HCN1: variants seen among roughly 807,000 people sequenced by gnomAD.
The protein encoded by HCN1 is hyperpolarization activated cyclic nucleotide gated potassium channel 1, also known as potassium/sodium hyperpolarization-activated cyclic nucleotide-gated channel 1.
In HCN1, 13 loss-of-function variants were observed where a neutral mutation model predicts 78.9. That is an observed-to-expected ratio of 0.16 (90% CI 0.11 to 0.26). The LOEUF (loss-of-function observed/expected upper bound fraction) is 0.26, where lower values mean the gene tolerates loss of function less well. HCN1 is among the 10% of genes least tolerant of loss of function. The probability of loss-of-function intolerance (pLI) is 1.00; values close to 1 mark genes in which losing one functional copy is unlikely to be tolerated. For synonymous variants in HCN1, 552 were observed against 455.5 expected, an observed-to-expected ratio of 1.21 and a Z score of -2.70; for missense variants, 810 against 1,154.3, an observed-to-expected ratio of 0.70 and a Z score of 4.32.
At chr5:45,372,203 C>A (rs377196919) in intron 4 of HCN1, among the ~76,000 whole-genome samples, 10,208 of 58,084 alleles carry the variant, frequency 0.18, 936 homozygotes, top group East Asian at 0.34. Flanking sequence ...TAATATAATA[C>A]ATATTATATA....
chr5:45,372,065 TTA>T (rs1237220668), intron 4 of HCN1, among the ~76,000 whole-genome samples: 1 of 39,728 alleles, frequency 2.5e-5, no homozygotes, highest in Non-Finnish European at 3.5e-5. Context: ...TATAATTATA[TTA>T]TATATTATAT....
intron 4 of HCN1, among the ~76,000 whole-genome samples, chr5:45,376,337 A>ATT (rs1747674328): frequency 1.3e-5 from 1 of 76,740 alleles, no homozygotes; most frequent in East Asian, 3.0e-4. Flanking sequence ...TATAACATAT[A>ATT]TTATATATAT....
chr5:45,341,300 G>A (rs992923743), intron 5 of HCN1, among the ~76,000 whole-genome samples: 4 of 152,088 alleles, frequency 2.6e-5, no homozygotes, highest in African/African-American at 4.8e-5. Context: ...GATTAATAGC[G>A]GAAACAATAA....
intron 2 of HCN1, among the ~76,000 whole-genome samples, chr5:45,601,629 C>G (rs1386370710): frequency 6.6e-6 from 1 of 152,006 alleles, no homozygotes; most frequent in Non-Finnish European, 1.5e-5. Context: ...TTTTGGCTGC[C>G]CAGAGTCCTT....
At chr5:45,351,793 C>T (rs1334001064) in intron 5 of HCN1, among the ~76,000 whole-genome samples, 3 of 151,310 alleles carry the variant, frequency 2.0e-5, no homozygotes, top group African/African-American at 7.3e-5. Flanking sequence ...TCATCACTGG[C>T]CATCAGAGAA....
Position 45,639,203 on chromosome 5 carries a change from G to A in HCN1, c.849+5982C>T, listed in dbSNP as rs555651631. ...TGAATAACTTCAAAGAAAACAGTCCGGCATTTTAAAAGATAGAACCTTAAA... is the reference window on the plus strand; with the variant it reads ...TGAATAACTTCAAAGAAAACAGTCCAGCATTTTAAAAGATAGAACCTTAAA... On this transcript the variant is annotated intron_variant, in intron 2 of 7. Transcript: ENST00000303230. 6.6e-5 allele frequency among the ~76,000 whole-genome samples: 10 copies of A among 151,874 alleles called. No individual in the cohort carries two copies. In the South Asian group the frequency reaches 8.3e-4, roughly 13 times the overall value.
At chr5:45,676,426 T>C (rs941807742) in intron 1 of HCN1, among the ~76,000 whole-genome samples, 2 of 151,804 alleles carry the variant, frequency 1.3e-5, no homozygotes, top group Non-Finnish European at 2.9e-5. Flanking sequence ...AATTATACTA[T>C]TAAAATATTT....
At chr5:45,285,119 C>T (rs1206590829) in intron 6 of HCN1, among the ~76,000 whole-genome samples, 1 of 151,902 alleles carries the variant, frequency 6.6e-6, no homozygotes, top group African/African-American at 2.4e-5. Flanking sequence ...GAAGTAGCTC[C>T]ATATAATTTT....
intron 2 of HCN1, chr5:45,575,494 GCAGCA>G (rs1405005886): frequency 6.6e-6 from 1 of 151,980 alleles, no homozygotes; most frequent in Admixed American, 6.6e-5. Context: ...GTTAATGGGT[GCAGCA>G]CACCAACATG....
intron 6 of HCN1, among the ~76,000 whole-genome samples, chr5:45,299,706 A>G (rs1233605515): frequency 6.6e-6 from 1 of 152,010 alleles, no homozygotes; most frequent in Non-Finnish European, 1.5e-5. Flanking sequence ...AAGTGGCTTT[A>G]TTTGTGAAGC....
intron 4 of HCN1, among the ~76,000 whole-genome samples, chr5:45,368,950 G>A (rs574768352): frequency 3.3e-5 from 5 of 151,822 alleles, no homozygotes; most frequent in South Asian, 2.1e-4. Flanking sequence ...GTTTCCATCC[G>A]TTCCAAAAGT....
At chr5:45,608,495 C>G (rs1215144827) in intron 2 of HCN1, among the ~76,000 whole-genome samples, 1 of 151,508 alleles carries the variant, frequency 6.6e-6, no homozygotes, top group African/African-American at 2.4e-5. Context: ...GAAAATTTGC[C>G]TTCTTAGCTT....
intron 2 of HCN1, among the ~76,000 whole-genome samples, chr5:45,553,796 T>A (rs1014640506): frequency 4.6e-5 from 7 of 151,966 alleles, no homozygotes; most frequent in Admixed American, 1.3e-4. Context: ...TGTTTTTTAA[T>A]CCTTTCATGC....
Position 45,303,859 on chromosome 5 carries a change from A to T in HCN1, c.1378-20T>A. The stretch of plus-strand genomic sequence containing the variant: ...TATCTCCTAAAGATGTCAAGAGTAA[A>T]CAAATATTAAGAGAGATATTAATCA... On this transcript the variant is annotated intron_variant, in intron 5 of 7. Coordinates refer to ENST00000303230, the MANE Select transcript of HCN1 (RefSeq NM_021072.4). The T allele has an allele frequency of 6.2e-7, 1 of 1,604,752 alleles. No homozygotes were observed. Among genetic ancestry groups the T allele is most frequent in the South Asian group, 1.1e-5 (1 of 90,900 alleles).
At chr5:45,581,829 G>T (rs1266084285) in intron 2 of HCN1, among the ~76,000 whole-genome samples, 4 of 152,256 alleles carry the variant, frequency 2.6e-5, no homozygotes, top group East Asian at 3.9e-4. Flanking sequence ...TCAGATAGTT[G>T]TAGATATGCA....
At chr5:45,405,192 CAGAT>C (rs1181019026) in intron 3 of HCN1, among the ~76,000 whole-genome samples, 2 of 152,014 alleles carry the variant, frequency 1.3e-5, no homozygotes, top group African/African-American at 2.4e-5. Context: ...AAATGCCAAT[CAGAT>C]AGAAAGTTGC....
chr5:45,296,631 T>G (rs1378677603), intron 6 of HCN1, among the ~76,000 whole-genome samples: 1 of 151,470 alleles, frequency 6.6e-6, no homozygotes, highest in Non-Finnish European at 1.5e-5. Context: ...ATGATAGAAA[T>G]CAATAAAAAT....
chr5:45,649,017 T>A (rs1262828315), intron 1 of HCN1, among the ~76,000 whole-genome samples: 1 of 151,938 alleles, frequency 6.6e-6, no homozygotes, highest in African/African-American at 2.4e-5. Context: ...TCCCCCTCTT[T>A]TAACAACTGA....
chr5:45,359,472 T>G (rs1448389119), intron 4 of HCN1, among the ~76,000 whole-genome samples: 1 of 151,458 alleles, frequency 6.6e-6, no homozygotes, highest in Non-Finnish European at 1.5e-5. Context: ...TTTTATAGTG[T>G]AGTGCCCACA....
Sources: allele counts gnomAD v4.1 joint callset (sites outside exome capture counted in the v4.1 genomes callset), GRCh38; gene constraint gnomAD v4.1.1; transcripts MANE v1.5; gene names NCBI Gene and HGNC (gene_info 2026-07-23, HGNC 2026-07-21).